Variants in PDE7B observed in about 807,000 individuals in gnomAD.
PDE7B encodes the protein 3',5'-cyclic-AMP phosphodiesterase 7B.
PDE7B carries 29 observed loss-of-function variants against 56.2 expected under a neutral mutation model. The observed-to-expected ratio is 0.52, with a 90% confidence interval of 0.38 to 0.70. The LOEUF (loss-of-function observed/expected upper bound fraction) is 0.70. PDE7B is among the 30% of genes least tolerant of loss of function. The pLI is 0.00. For synonymous variants in PDE7B, 197 were observed against 196.9 expected (o/e 1.00, Z 0.00); for missense variants, 490 against 565.0 (o/e 0.87, Z 1.35).
chr6:135,863,690 C>CG lies in PDE7B; in HGVS notation c.21+11671_21+11672insG, dbSNP rs1250154507. Among the ~76,000 whole-genome samples the CG allele has an allele frequency of 9.9e-3, 1,402 of 141,536 alleles. 8 individuals carry two copies. The highest frequency in any genetic ancestry group is 0.016 in the South Asian group (76 of 4,630). The allele number at this position is 141,536 out of a possible 152,430, so 92.9% of individuals were successfully genotyped here. A position where few individuals can be genotyped will look rare whatever the true frequency, so the allele number is the denominator to read the frequency against. Reference sequence around the variant, plus strand: ...TTTTACCATAGTAAAACATCCCTTCCAATTTTTTTTTTTTTTTTTGCCTTC... The same window carrying CG: ...TTTTACCATAGTAAAACATCCCTTCCGAATTTTTTTTTTTTTTTTTGCCTTC... On this transcript the variant is annotated intron_variant, in intron 1 of 12. Coordinates refer to ENST00000308191, the MANE Select transcript of PDE7B (RefSeq NM_018945.4).
At chr6:136,079,972 G>T (rs1777180797) in intron 2 of PDE7B, among the ~76,000 whole-genome samples, 1 of 151,952 alleles carries the variant, frequency 6.6e-6, no homozygotes, top group African/African-American at 2.4e-5. Flanking sequence ...ATAAAACAAG[G>T]ACAATTAAAG....
At chr6:135,984,487 C>T (rs1775345734) in intron 2 of PDE7B, among the ~76,000 whole-genome samples, 1 of 152,004 alleles carries the variant, frequency 6.6e-6, no homozygotes. Context: ...AAATTGCTTG[C>T]CAAATGTGCA....
intron 2 of PDE7B, among the ~76,000 whole-genome samples, chr6:136,040,695 G>GCT (rs963211757): frequency 5.3e-5 from 8 of 151,848 alleles, no homozygotes; most frequent in East Asian, 1.9e-4. Flanking sequence ...GTGCTCCCTC[G>GCT]CTCTCTCTCT....
intron 1 of PDE7B, among the ~76,000 whole-genome samples, chr6:135,911,087 A>G (rs921086978): frequency 6.6e-6 from 1 of 152,222 alleles, no homozygotes; most frequent in Non-Finnish European, 1.5e-5. Context: ...AAGAATTAAA[A>G]AGCAAAAACA....
chr6:136,155,876 C>A, intron 8 of PDE7B, 118 bp downstream of exon 8: 3 of 1,075,844 alleles, frequency 2.8e-6, no homozygotes, highest in South Asian at 1.3e-5. Context: ...AGTTCAAAGA[C>A]GAATGAAACA....
At chr6:136,148,577 T>TA (rs762321535) in intron 4 of PDE7B, among the ~76,000 whole-genome samples, 3 of 151,962 alleles carry the variant, frequency 2.0e-5, no homozygotes, top group African/African-American at 2.4e-5. Context: ...TCCAAAAGGA[T>TA]AAAAAAATCA....
At chr6:135,934,196 A>G (rs934066022) in intron 1 of PDE7B, among the ~76,000 whole-genome samples, 3 of 152,162 alleles carry the variant, frequency 2.0e-5, no homozygotes, top group Non-Finnish European at 4.4e-5. Context: ...CAAACCATGA[A>G]TAACATGACA....
rs1779276950 is a variant in PDE7B at position 136,194,231 on chromosome 6, A to AC, written c.*2391_*2392insC. ...AGGAAAGAAGACACTATTTTAGCTA[A>AC]TGGGGTTTCTTGGGACTAAAAAATG... On this transcript the variant is annotated 3_prime_UTR_variant, in exon 13 of 13. Transcript: ENST00000308191. 6.6e-6 allele frequency: 1 copy of AC among 152,154 alleles called. No homozygotes were observed. The highest frequency in any genetic ancestry group is 6.6e-5 in the Admixed American group (1 of 15,264). 9.4% of individuals were successfully genotyped at this position (152,154 alleles called of 1,614,324 possible).
chr6:136,043,941 G>A (rs918511716), intron 2 of PDE7B: 2 of 152,020 alleles, frequency 1.3e-5, no homozygotes, highest in African/African-American at 2.4e-5. Context: ...CATCTGGCAC[G>A]AACTCATTTT....
chr6:135,980,718 TCAAAAC>T (rs1287915928), intron 2 of PDE7B, among the ~76,000 whole-genome samples: 7 of 148,240 alleles, frequency 4.7e-5, no homozygotes, highest in Non-Finnish European at 9.0e-5. Context: ...GAAATGCAAA[TCAAAAC>T]CACAATGAGA....
At chr6:136,160,037 C>T (rs562826877) in intron 8 of PDE7B, among the ~76,000 whole-genome samples, 5 of 152,082 alleles carry the variant, frequency 3.3e-5, no homozygotes, top group South Asian at 4.2e-4. Flanking sequence ...CAAAGGGAAA[C>T]GAAGGTTTTG....
chr6:136,183,556 A>G (rs1483606513), intron 11 of PDE7B, among the ~76,000 whole-genome samples: 1 of 147,670 alleles, frequency 6.8e-6, no homozygotes, highest in Non-Finnish European at 1.5e-5. Context: ...AGGTCACGCC[A>G]CTGCACTCCA....
chr6:136,146,304 A>G (rs1463486508), intron 3 of PDE7B, among the ~76,000 whole-genome samples: 2 of 152,240 alleles, frequency 1.3e-5, no homozygotes, highest in Non-Finnish European at 2.9e-5. Flanking sequence ...AGTGATTCAT[A>G]TAATTTCAGC....
Position 136,155,729 on chromosome 6 carries a change from A to G in PDE7B, c.682A>G (p.Thr228Ala). Residue 228 changes from threonine (T) to alanine (A), a missense_variant, in exon 8 of 13, where the codon ACT (threonine) becomes GCT (alanine). Coordinates refer to ENST00000308191, the MANE Select transcript of PDE7B (RefSeq NM_018945.4). The stretch of plus-strand genomic sequence containing the variant: ...GGTGAACCAGCCATTTTTGATAAAA[A>G]CTAACCACCATCTTGCAAACCTATA... ...PGVNQPFLIK[T>A]NHHLANLYQN... 6.2e-7 allele frequency: 1 copy of G among 1,614,108 alleles called. No individual in the cohort carries two copies.
chr6:136,078,250 A>G (rs374684099), intron 2 of PDE7B, among the ~76,000 whole-genome samples: 12 of 152,226 alleles, frequency 7.9e-5, no homozygotes, highest in African/African-American at 1.7e-4. Context: ...TCCCATGTCA[A>G]TGAGAGCTGA....
intron 1 of PDE7B, among the ~76,000 whole-genome samples, chr6:135,911,584 T>C (rs1776213050): frequency 6.6e-6 from 1 of 152,184 alleles, no homozygotes; most frequent in Non-Finnish European, 1.5e-5. Context: ...CCTAAGTCTG[T>C]GTTTGAATAT....
At chr6:136,056,372 G>T (rs778387236) in intron 2 of PDE7B, among the ~76,000 whole-genome samples, 2 of 152,086 alleles carry the variant, frequency 1.3e-5, no homozygotes, top group Non-Finnish European at 2.9e-5. Flanking sequence ...TGTTTTAAAG[G>T]CTTCGTGGGC....
chr6:135,980,534 C>T (rs1775276253), intron 2 of PDE7B, among the ~76,000 whole-genome samples: 1 of 151,898 alleles, frequency 6.6e-6, no homozygotes, highest in Admixed American at 6.6e-5. Flanking sequence ...ATTTTCACAA[C>T]CTACTCATCT....
At chr6:136,022,944 G>T (rs1315445595) in intron 2 of PDE7B, among the ~76,000 whole-genome samples, 1 of 151,958 alleles carries the variant, frequency 6.6e-6, no homozygotes, top group African/African-American at 2.4e-5. Flanking sequence ...CGAGATTAGA[G>T]ATGGAAACCA....
Sources: gnomAD v4.1 joint callset for allele counts (sites outside exome capture counted in the v4.1 genomes callset) on GRCh38, gnomAD v4.1.1 for gene constraint, MANE v1.5 for transcripts, NCBI Gene and HGNC (gene_info 2026-07-23, HGNC 2026-07-21) for gene names.